GLIS3: variants seen among roughly 807,000 people sequenced by gnomAD.
GLIS3 encodes zinc finger protein GLIS3.
Under a neutral mutation model 78.6 loss-of-function variants are expected in GLIS3, and 53 were observed. The observed-to-expected ratio is 0.67, with a 90% CI of 0.54 to 0.85. The LOEUF is 0.85. Ranked by LOEUF, GLIS3 falls within the 40% of genes least tolerant of loss-of-function variation. The pLI, the probability that GLIS3 is intolerant of heterozygous loss-of-function variation, is 0.00. For synonymous variants in GLIS3, 684 were observed against 509.9 expected (o/e 1.34, Z -4.60); for missense variants, 1,703 against 1,231.1 (o/e 1.38, Z -5.74).
At chr9:3,884,245 A>C (rs1239289434) in intron 7 of GLIS3, among the ~76,000 whole-genome samples, 1 of 152,182 alleles carries the variant, frequency 6.6e-6, no homozygotes, top group Non-Finnish European at 1.5e-5. Flanking sequence ...TATTGTGTGG[A>C]TGGAGGGAGG....
chr9:4,243,062 T>G (rs1364576582), intron 2 of GLIS3, among the ~76,000 whole-genome samples: 3 of 152,214 alleles, frequency 2.0e-5, no homozygotes, highest in Admixed American at 1.3e-4. Context: ...TTCAACCACT[T>G]GGTTCTACAT....
At chr9:4,383,660 G>A in the GLIS3 span, among the ~76,000 whole-genome samples, 3 of 152,294 alleles carry the variant, frequency 2.0e-5, no homozygotes, top group Admixed American at 6.5e-5. Flanking sequence ...AAATCTAGAT[G>A]TATAAGTCCA....
intron 1 of GLIS3, among the ~76,000 whole-genome samples, chr9:4,297,459 G>C (rs979786801): frequency 2.0e-5 from 3 of 152,188 alleles, no homozygotes; most frequent in Non-Finnish European, 4.4e-5. Flanking sequence ...ATACTAAAGG[G>C]ACCTGGTCCA....
In GLIS3 at chr9:3,824,996, A is replaced by G. The variant is rs2129878018; in HGVS notation, c.*3276T>C. ...GTGCTATTTAAAAATGCTTCCATAA[A>G]ATGACATGGCCAAGACAGTCAAATA... On this transcript the variant is annotated 3_prime_UTR_variant, in exon 11 of 11. Transcript: ENST00000381971. 6.6e-6 allele frequency: 1 copy of G among 152,188 alleles called. No individual in the cohort carries two copies. The highest frequency in any genetic ancestry group is 1.9e-4 in the East Asian group (1 of 5,188). The allele number at this position is 152,188 out of a possible 1,614,324, so 9.4% of individuals were successfully genotyped here.
the GLIS3 span, among the ~76,000 whole-genome samples, chr9:4,371,905 G>C: frequency 6.6e-6 from 1 of 152,138 alleles, no homozygotes; most frequent in Non-Finnish European, 1.5e-5. Context: ...ATTGAACTGT[G>C]TCCTCCCACC....
chr9:4,286,440 G>A lies in GLIS3; in HGVS notation c.-15C>T. 6.2e-7 allele frequency: 1 copy of A among 1,613,368 alleles called. No individual in the cohort carries two copies. The highest frequency in any genetic ancestry group is 8.5e-7 in the Non-Finnish European group (1 of 1,180,026). Reference sequence around the variant, plus strand: ...CTTCCATTCATTCTGAAAAACCTGTGGCCAAGACGGTCAAATATCCAATGT... The same window carrying A: ...CTTCCATTCATTCTGAAAAACCTGTAGCCAAGACGGTCAAATATCCAATGT... On this transcript the variant is annotated 5_prime_UTR_variant, in exon 2 of 11. Coordinates refer to ENST00000381971, the MANE Select transcript of GLIS3 (RefSeq NM_001042413.2).
chr9:3,884,580 G>A (rs1254483264), intron 7 of GLIS3, among the ~76,000 whole-genome samples: 1 of 152,100 alleles, frequency 6.6e-6, no homozygotes, highest in Non-Finnish European at 1.5e-5. Context: ...AGTAGGTGCT[G>A]GGGATCCTGT....
intron 2 of GLIS3, among the ~76,000 whole-genome samples, chr9:4,321,470 G>A (rs1422489055): frequency 2.9e-5 from 3 of 103,976 alleles, no homozygotes; most frequent in Non-Finnish European, 6.2e-5. Flanking sequence ...AAAATCAGGT[G>A]CCTAGAACTG....
At chr9:4,171,620 T>A (rs907707756) in intron 2 of GLIS3, among the ~76,000 whole-genome samples, 1 of 152,250 alleles carries the variant, frequency 6.6e-6, no homozygotes, top group African/African-American at 2.4e-5. Context: ...CATCATTTAG[T>A]GTGACCTTTA....
intron 3 of GLIS3, among the ~76,000 whole-genome samples, chr9:4,124,445 G>A (rs975565478): frequency 2.0e-5 from 3 of 152,170 alleles, no homozygotes; most frequent in Non-Finnish European, 4.4e-5. Flanking sequence ...CAAGGCATGG[G>A]CTGGACTTGC....
chr9:4,311,751 G>C (rs373649614), intron 2 of GLIS3, among the ~76,000 whole-genome samples: 1 of 152,338 alleles, frequency 6.6e-6, no homozygotes, highest in South Asian at 2.1e-4. Flanking sequence ...GGGAGTTTGA[G>C]TTGTATGTTT....
At chr9:4,341,572 A>G (rs1587395144) in intron 2 of GLIS3, among the ~76,000 whole-genome samples, 1 of 152,084 alleles carries the variant, frequency 6.6e-6, no homozygotes, top group African/African-American at 2.4e-5. Flanking sequence ...GACCCCTAGC[A>G]CTTCCTCACC....
intron 2 of GLIS3, among the ~76,000 whole-genome samples, chr9:4,199,372 T>C (rs113990288): frequency 0.014 from 2,204 of 152,086 alleles, 57 homozygotes; most frequent in African/African-American, 0.05. Flanking sequence ...AGAAGATCTG[T>C]CACACAAATG....
intron 6 of GLIS3, among the ~76,000 whole-genome samples, chr9:3,921,605 A>G (rs1233752773): frequency 6.6e-6 from 1 of 152,232 alleles, no homozygotes; most frequent in African/African-American, 2.4e-5. Context: ...AAACCTTTAG[A>G]TGGGGGAGAA....
chr9:4,076,752 C>G (rs117577902), intron 4 of GLIS3, among the ~76,000 whole-genome samples: 1 of 152,232 alleles, frequency 6.6e-6, no homozygotes, highest in South Asian at 2.1e-4. Context: ...ATGTGACTTT[C>G]TTTTCATAAT....
chr9:4,008,006 A>G (rs1054389503), intron 4 of GLIS3, among the ~76,000 whole-genome samples: 1 of 152,006 alleles, frequency 6.6e-6, no homozygotes, highest in African/African-American at 2.4e-5. Context: ...AGGGTTGCAT[A>G]TCCACACTCC....
chr9:4,467,284 T>G, the GLIS3 span, among the ~76,000 whole-genome samples: 1 of 152,138 alleles, frequency 6.6e-6, no homozygotes, highest in Non-Finnish European at 1.5e-5. Context: ...AAGAGAGTGG[T>G]GGTTCTCCCA....
intron 2 of GLIS3, among the ~76,000 whole-genome samples, chr9:4,328,984 A>G (rs1037056159): frequency 2.0e-5 from 3 of 152,196 alleles, no homozygotes; most frequent in African/African-American, 7.2e-5. Context: ...AGGTGAGTGT[A>G]GGTGCACCAA....
intron 2 of GLIS3, among the ~76,000 whole-genome samples, chr9:4,314,577 G>T (rs908319026): frequency 6.6e-6 from 1 of 152,216 alleles, no homozygotes; most frequent in African/African-American, 2.4e-5. Context: ...ACAGTGCAGG[G>T]TAAACCTCTA....
Sources: allele counts gnomAD v4.1 joint callset (sites outside exome capture counted in the v4.1 genomes callset), GRCh38; gene constraint gnomAD v4.1.1; transcripts MANE v1.5; gene names NCBI Gene and HGNC (gene_info 2026-07-23, HGNC 2026-07-21).